Variants in ARIH2 observed in about 807,000 individuals in gnomAD.
ARIH2 encodes the protein E3 ubiquitin-protein ligase ARIH2.
Under a neutral mutation model 79.8 loss-of-function variants are expected in ARIH2, and 12 were observed. The ratio of observed to expected loss-of-function variants is 0.15; its 90% CI spans 0.10 to 0.24. The LOEUF is 0.24. Ranked by LOEUF, ARIH2 falls within the 10% of genes least tolerant of loss-of-function variation. The probability of loss-of-function intolerance (pLI) is 1.00; values close to 1 mark genes in which losing one functional copy is unlikely to be tolerated. For missense variants in ARIH2, 301 were observed against 618.3 expected, an observed-to-expected ratio of 0.49 and a Z score of 5.44; for synonymous variants, 224 against 213.9, an observed-to-expected ratio of 1.05 and a Z score of -0.41.
intron 3 of ARIH2, among the ~76,000 whole-genome samples, chr3:48,956,386 GCCTCTGCCTC>G (rs1226062919): frequency 6.9e-6 from 1 of 145,330 alleles, no homozygotes; most frequent in Non-Finnish European, 1.5e-5. Context: ...TGATCCGCCT[GCCTCTGCCTC>G]CCAAAGTGCT....
intron 8 of ARIH2, among the ~76,000 whole-genome samples, chr3:48,973,294 T>C (rs1038137472): frequency 2.0e-5 from 3 of 152,032 alleles, no homozygotes; most frequent in Non-Finnish European, 2.9e-5. Context: ...ATACAAAAAT[T>C]AGACTGGGCG....
rs572651329 is a variant in ARIH2, at chr3:48,934,676, C to G, written c.255+6863C>G. The G allele has an allele frequency of 5.1e-5, 50 of 985,392 alleles. No homozygotes were observed. The South Asian group carries it at 1.9e-3, about 38-fold the overall frequency. The allele number at this position is 985,392 out of a possible 1,614,324, so 61.0% of individuals were successfully genotyped here. A position where few individuals can be genotyped will look rare whatever the true frequency, so the allele number is the denominator to read the frequency against. ...AGTCCAGAAGTCTGAGGTGTGTTTA[C>G]TGATGTGTAAATTCATTTTTAAAAG... On this transcript the variant is annotated intron_variant, in intron 3 of 15. Transcript: ENST00000356401.
intron 13 of ARIH2, among the ~76,000 whole-genome samples, chr3:48,981,306 T>C (rs973831124): frequency 2.7e-5 from 4 of 150,814 alleles, no homozygotes; most frequent in Non-Finnish European, 5.9e-5. Flanking sequence ...CACTCCAGCC[T>C]GGGCAACAGA....
chr3:48,960,705 A>C (rs780181138), intron 3 of ARIH2, among the ~76,000 whole-genome samples: 85 of 151,834 alleles, frequency 5.6e-4, no homozygotes, highest in Non-Finnish European at 9.3e-4. Context: ...CAGAGGTTGC[A>C]GTGAGCCGAG....
chr3:48,945,748 C>T (rs1198488278), intron 3 of ARIH2, among the ~76,000 whole-genome samples: 4 of 152,062 alleles, frequency 2.6e-5, no homozygotes, highest in Non-Finnish European at 1.5e-5. Flanking sequence ...AAGTTTGTGG[C>T]TGTTATTAAC....
Position 48,974,807 on chromosome 3 carries a change from G to A in ARIH2, c.889-10G>A, listed in dbSNP as rs763290489. 9.3e-6 allele frequency: 15 copies of A among 1,612,716 alleles called. No homozygotes were observed. In the African/African-American group the frequency reaches 1.2e-4, roughly 13 times the overall value. On this transcript the variant is annotated splice_polypyrimidine_tract_variant and intron_variant, in intron 9 of 15. Coordinates refer to ENST00000356401, the MANE Select transcript of ARIH2 (RefSeq NM_006321.4). ...TGTGTGAGCCTAATGGCACCCTTCT[G>A]TCTCCTCAGTGTCCCAAGTGCAACA...
chr3:48,968,351 G>A (rs2091947871), intron 6 of ARIH2, 183 bp from the exon 7 acceptor site: 1 of 415,452 alleles, frequency 2.4e-6, no homozygotes, highest in Non-Finnish European at 4.6e-6. Flanking sequence ...GGGACTACAG[G>A]CGCCCGCCAC....
intron 7 of ARIH2, among the ~76,000 whole-genome samples, chr3:48,969,959 C>T (rs1006526647): frequency 6.6e-6 from 1 of 150,766 alleles, no homozygotes; most frequent in African/African-American, 2.4e-5. Flanking sequence ...GACACGATCT[C>T]AGCTCAATGC....
In ARIH2 at chr3:48,985,997, T is replaced by A. The variant is rs919779536; in HGVS notation, c.*2727T>A. 1 of 151,806 alleles carries A rather than the reference T, an allele frequency of 6.6e-6. No homozygotes were observed. Among genetic ancestry groups the A allele is most frequent in the East Asian group, 1.9e-4 (1 of 5,172 alleles). The allele number at this position is 151,806 out of a possible 1,614,324, so 9.4% of individuals were successfully genotyped here. A position where few individuals can be genotyped will look rare whatever the true frequency, so the allele number is the denominator to read the frequency against. On this transcript the variant is annotated 3_prime_UTR_variant, in exon 16 of 16. Transcript: ENST00000356401. Reference sequence around the variant, plus strand: ...ACTTGGGGCAGAAACAAGTGTGGAGTCTAATCTCAAGGGTGAAGGACAGGA... The same window carrying A: ...ACTTGGGGCAGAAACAAGTGTGGAGACTAATCTCAAGGGTGAAGGACAGGA...
intron 3 of ARIH2, chr3:48,945,275 G>T (rs1368164505): frequency 1.7e-6 from 2 of 1,148,882 alleles, no homozygotes; most frequent in Non-Finnish European, 2.3e-6. Context: ...TTGTTAACTT[G>T]TCCTTGAGGG....
At chr3:48,967,680 A>G (rs759321320) in intron 6 of ARIH2, among the ~76,000 whole-genome samples, 9 of 152,236 alleles carry the variant, frequency 5.9e-5, no homozygotes, top group Non-Finnish European at 1.0e-4. Context: ...TGATTTGATG[A>G]TACTGAAACA....
chr3:48,929,565 G>A (rs1251325546), intron 3 of ARIH2, among the ~76,000 whole-genome samples: 2 of 152,128 alleles, frequency 1.3e-5, no homozygotes, highest in Admixed American at 1.3e-4. Flanking sequence ...TTTGGTCTGT[G>A]TCCAAAGAAT....
intron 3 of ARIH2, chr3:48,934,416 A>G (rs968856392): frequency 3.5e-5 from 34 of 983,870 alleles, no homozygotes; most frequent in Non-Finnish European, 3.7e-5. Flanking sequence ...TAATTGACCA[A>G]TAATGGTTTG....
chr3:48,978,079 G>A (rs2092601987), intron 11 of ARIH2, among the ~76,000 whole-genome samples: 1 of 152,088 alleles, frequency 6.6e-6, no homozygotes. Flanking sequence ...CTTCAGACAA[G>A]TTTTGCTTCT....
At chr3:48,935,488 T>G (rs2086981432) in intron 3 of ARIH2, among the ~76,000 whole-genome samples, 1 of 152,224 alleles carries the variant, frequency 6.6e-6, no homozygotes, top group Non-Finnish European at 1.5e-5. Context: ...ACTGGTTACA[T>G]TGTTGTGAAT....
rs373636239 is a variant in ARIH2, at chr3:48,982,948, A to G, written c.1379A>G (p.Lys460Arg). The G allele has an allele frequency of 1.9e-6, 3 of 1,614,062 alleles. No individual in the cohort carries two copies. ...LEAEIENLSW[K>R]VERADSYDRG... Reference sequence around the variant, plus strand: ...GCTGAGATCGAAAACCTCTCATGGAAAGTGGAGCGTGCAGACAGCTATGAC... The same window carrying G: ...GCTGAGATCGAAAACCTCTCATGGAGAGTGGAGCGTGCAGACAGCTATGAC... The change falls in exon 15 of 16, where the codon AAA (lysine) becomes AGA (arginine). Residue 460 changes from lysine to arginine, a missense_variant. Around this residue, in one of 2 missense-constraint regions of ARIH2, gnomAD observed 78 missense variants for 268.9 expected, o/e 0.29. Coordinates refer to ENST00000356401, the MANE Select transcript of ARIH2 (RefSeq NM_006321.4).
intron 9 of ARIH2, chr3:48,974,594 G>GGGTTCAGCTGGTGCTT: frequency 5.1e-6 from 3 of 591,416 alleles, no homozygotes; most frequent in Non-Finnish European, 6.1e-6. Context: ...AGACTTAGTG[G>GGGTTCAGCTGGTGCTT]GGTTCAGCTG....
chr3:48,975,165 T>C (rs1450886520), intron 11 of ARIH2, 186 bp downstream of exon 11: 5 of 885,594 alleles, frequency 5.6e-6, no homozygotes, highest in Non-Finnish European at 8.5e-6. Flanking sequence ...GTCCCTCTTA[T>C]AATCCCACTG....
At chr3:48,928,059 G>A in intron 3 of ARIH2, 1 of 487,792 alleles carries the variant, frequency 2.1e-6, no homozygotes, top group South Asian at 2.8e-5. Flanking sequence ...ATTCAAGAAA[G>A]ATGTACCATA....
Sources: allele counts gnomAD v4.1 joint callset (sites outside exome capture counted in the v4.1 genomes callset), GRCh38; gene constraint gnomAD v4.1.1; regional missense constraint gnomAD v4.1.1; transcripts MANE v1.5; gene names NCBI Gene and HGNC (gene_info 2026-07-23, HGNC 2026-07-21).